The following VDR variants were observed in gnomAD, a reference collection of about 807,000 sequenced individuals.
The protein encoded by VDR is vitamin D3 receptor.
In VDR, 19 loss-of-function variants were observed where a neutral mutation model predicts 39.7. That is an observed-to-expected ratio of 0.48 (90% CI 0.33 to 0.70). The LOEUF (loss-of-function observed/expected upper bound fraction) is 0.70, where lower values mean the gene tolerates loss of function less well. VDR is among the 30% of genes least tolerant of loss of function. The pLI is 0.02. For synonymous variants in VDR, 242 were observed against 215.8 expected, an observed-to-expected ratio of 1.12 and a Z score of -1.07; for missense variants, 442 against 570.5, an observed-to-expected ratio of 0.77 and a Z score of 2.29.
chr12:47,853,603 A>G (rs1011548444), intron 7 of VDR, among the ~76,000 whole-genome samples: 9 of 152,006 alleles, frequency 5.9e-5, no homozygotes, highest in African/African-American at 2.2e-4. Context: ...TAAAAATACA[A>G]AACTAGCCAG....
rs1946346059 is a variant in VDR at position 47,890,377 on chromosome 12, T to TATA, written c.-83-7604_-83-7603insTAT. 2.1e-5 allele frequency among the ~76,000 whole-genome samples: 3 copies of TATA among 141,908 alleles called. No individual in the cohort carries two copies. The South Asian group carries it at 6.5e-4, about 31-fold the overall frequency. 93.1% of individuals were successfully genotyped at this position (141,908 alleles called of 152,430 possible). On this transcript the variant is annotated intron_variant, in intron 1 of 9. Transcript: ENST00000549336. ...ATATATTATGTATGTAATATATATTTTATATATATATATATATATAAATCT... is the reference window on the plus strand; with the variant it reads ...ATATATTATGTATGTAATATATATTTATATATATATATATATATATATAAATCT...
At chr12:47,885,408 G>A (rs138677559) in intron 1 of VDR, among the ~76,000 whole-genome samples, 60 of 152,344 alleles carry the variant, frequency 3.9e-4, no homozygotes, top group Non-Finnish European at 6.8e-4. Context: ...CACCACAGGC[G>A]GCCCCATCTT....
rs554582471 is a variant in VDR, at chr12:47,864,999, C to T, written c.277+48G>A. 73 of 1,609,550 alleles carry T rather than the reference C, an allele frequency of 4.5e-5. 1 individual carries two copies. In the South Asian group the frequency reaches 7.2e-4, roughly 16 times the overall value. ...TGCAGGAGAGTGGCCAAGGCCTTTCCCTGACTCCACTTCAGGCCCAAACCC... is the reference window on the plus strand; with the variant it reads ...TGCAGGAGAGTGGCCAAGGCCTTTCTCTGACTCCACTTCAGGCCCAAACCC... On this transcript the variant is annotated intron_variant, in intron 4 of 9. Coordinates refer to ENST00000549336, the MANE Select transcript of VDR (RefSeq NM_000376.3).
At chr12:47,853,186 T>C (rs561373443) in intron 7 of VDR, among the ~76,000 whole-genome samples, 2 of 152,328 alleles carry the variant, frequency 1.3e-5, no homozygotes, top group South Asian at 4.2e-4. Context: ...CTCATGCCTG[T>C]AATCCCAGCA....
At chr12:47,901,390 C>T (rs1946558938) in intron 1 of VDR, 1 of 155,658 alleles carries the variant, frequency 6.4e-6, no homozygotes, top group East Asian at 1.9e-4. Flanking sequence ...GCCATCAACG[C>T]CTGTCACTTG....
chr12:47,872,178 T>A (rs1396834179), intron 3 of VDR, among the ~76,000 whole-genome samples: 2 of 152,252 alleles, frequency 1.3e-5, no homozygotes, highest in Non-Finnish European at 2.9e-5. Context: ...TCGATATGTT[T>A]GAGTTTAAAT....
chr12:47,881,778 G>T (rs1311818406), intron 2 of VDR, among the ~76,000 whole-genome samples: 3 of 151,758 alleles, frequency 2.0e-5, no homozygotes, highest in African/African-American at 7.3e-5. Context: ...AGTCCAAGCT[G>T]ATGCCTGCAG....
At chr12:47,904,058 G>C (rs1946618225) in intron 1 of VDR, among the ~76,000 whole-genome samples, 2 of 152,000 alleles carry the variant, frequency 1.3e-5, no homozygotes, top group East Asian at 1.9e-4. Context: ...GCCCAGACAG[G>C]AGGCTGACTC....
At chr12:47,876,949 G>T (rs942320986) in intron 3 of VDR, among the ~76,000 whole-genome samples, 1 of 152,218 alleles carries the variant, frequency 6.6e-6, no homozygotes, top group African/African-American at 2.4e-5. Context: ...GGAGAGAGTG[G>T]ATTTGGGGGT....
At position 47,848,555 on chromosome 12, in the gene VDR, CTTTTTTTTTTTTT is replaced by C. The variant is rs1162881183; in HGVS notation, c.756-1760_756-1748del. 1.5e-4 allele frequency among the ~76,000 whole-genome samples: 9 copies of C among 58,116 alleles called. No individual in the cohort carries two copies. In the Admixed American group the frequency reaches 1.7e-3, roughly 11 times the overall value. The allele number at this position is 58,116 out of a possible 152,430, so 38.1% of individuals were successfully genotyped here. A position where few individuals can be genotyped will look rare whatever the true frequency, so the allele number is the denominator to read the frequency against. On this transcript the variant is annotated intron_variant, in intron 7 of 9. Coordinates refer to ENST00000549336, the MANE Select transcript of VDR (RefSeq NM_000376.3). ...CTCTTTACATGCTTGTTTTCTACTCCTTTTTTTTTTTTTTTTTTTTTTTTTTTTTGAGACAGAG... is the reference window on the plus strand; with the variant it reads ...CTCTTTACATGCTTGTTTTCTACTCCTTTTTTTTTTTTTTTTGAGACAGAG...
intron 6 of VDR, among the ~76,000 whole-genome samples, chr12:47,856,407 T>C (rs1945488184): frequency 6.6e-6 from 1 of 152,192 alleles, no homozygotes. Context: ...GCTACAAGTA[T>C]ACTGTTTTCT....
intron 4 of VDR, among the ~76,000 whole-genome samples, chr12:47,861,684 G>A (rs900059983): frequency 1.3e-5 from 2 of 152,186 alleles, no homozygotes; most frequent in Admixed American, 1.3e-4. Context: ...GGCGTCTAAA[G>A]TGCATGAGTT....
Position 47,846,401 on chromosome 12 carries a change from G to A in VDR, c.958C>T (p.Leu320=). Residue 320 remains leucine, a synonymous_variant, in exon 9 of 10, where the codon CTG becomes TTG. Coordinates refer to ENST00000549336, the MANE Select transcript of VDR (RefSeq NM_000376.3). ...IEPLIKFQVG[L]KKLNLHEEEH... The stretch of plus-strand genomic sequence containing the variant: ...TCCTCATGCAAGTTCAGCTTCTTCA[G>A]TCCCACCTGGAACTTGATGAGGGGC... 1 of 1,581,262 alleles carries A rather than the reference G, an allele frequency of 6.3e-7. No homozygotes were observed. Among genetic ancestry groups the A allele is most frequent in the South Asian group, 1.2e-5 (1 of 86,428 alleles).
chr12:47,884,855 C>A (rs1946223841), intron 1 of VDR, among the ~76,000 whole-genome samples: 1 of 152,134 alleles, frequency 6.6e-6, no homozygotes, highest in African/African-American at 2.4e-5. Flanking sequence ...CTTTCTGTCA[C>A]CCAGCCCCTC....
At chr12:47,889,152 T>C (rs1376873035) in intron 1 of VDR, among the ~76,000 whole-genome samples, 1 of 151,960 alleles carries the variant, frequency 6.6e-6, no homozygotes, top group African/African-American at 2.4e-5. Flanking sequence ...TCTGATGGCC[T>C]CAGTCTCTTC....
At chr12:47,857,872 A>T (rs1333419921) in intron 4 of VDR, among the ~76,000 whole-genome samples, 184 bp from the exon 5 acceptor site, 1 of 152,146 alleles carries the variant, frequency 6.6e-6, no homozygotes, top group African/African-American at 2.4e-5. Flanking sequence ...TGCTATGGTG[A>T]AAAGGAAGGC....
At position 47,878,685 on chromosome 12, in the gene VDR, G is replaced by T. The variant is rs80145821; in HGVS notation, c.146+283C>A. On this transcript the variant is annotated intron_variant, in intron 3 of 9. Transcript: ENST00000549336. ...CTCTGGAAGGATGGACACGTGGGTT[G>T]GTGTAGGAGGCTGTGGGTTACAGGC... The T allele has an allele frequency of 1.8e-3, 919 of 512,436 alleles. 9 individuals are homozygous for T. Among genetic ancestry groups the T allele is most frequent in the African/African-American group, 0.017 (867 of 51,972 alleles). The allele number at this position is 512,436 out of a possible 1,614,324, so 31.7% of individuals were successfully genotyped here. A position where few individuals can be genotyped will look rare whatever the true frequency, so the allele number is the denominator to read the frequency against.
intron 7 of VDR, among the ~76,000 whole-genome samples, chr12:47,851,160 G>A (rs1199175274): frequency 1.3e-5 from 2 of 152,116 alleles, no homozygotes; most frequent in Non-Finnish European, 2.9e-5. Flanking sequence ...AGCAGAAGAG[G>A]GCAGGGCTGC....
intron 3 of VDR, among the ~76,000 whole-genome samples, chr12:47,871,873 C>T (rs1407311942): frequency 6.6e-6 from 1 of 152,200 alleles, no homozygotes; most frequent in African/African-American, 2.4e-5. Flanking sequence ...TGTTCTTTAG[C>T]AGATAAAACC....
Sources: allele counts gnomAD v4.1 joint callset (sites outside exome capture counted in the v4.1 genomes callset), GRCh38; gene constraint gnomAD v4.1.1; transcripts MANE v1.5; gene names NCBI Gene and HGNC (gene_info 2026-07-23, HGNC 2026-07-21).